The following PLA2G4E variants were observed in gnomAD, a reference collection of about 807,000 sequenced individuals.
PLA2G4E encodes cytosolic phospholipase A2 epsilon.
A neutral mutation model predicts 109.1 loss-of-function variants in PLA2G4E; 84 were observed. That is an observed-to-expected ratio of 0.77 (90% CI 0.65 to 0.92). The LOEUF is 0.92. PLA2G4E is among the 40% of genes least tolerant of loss of function. PLA2G4E has a pLI of 0.00. For synonymous variants in PLA2G4E, 469 were observed against 436.1 expected (o/e 1.08, Z -0.94); for missense variants, 1,057 against 1,076.6 (o/e 0.98, Z 0.25).
exon 12 of PLA2G4E, chr15:41,995,441 A>C: frequency 1.9e-6 from 3 of 1,613,956 alleles, no homozygotes; most frequent in Non-Finnish European, 2.5e-6. Flanking sequence ...GTGGCCATAC[A>C]TGGAGGTCAT....
intron 1 of PLA2G4E, among the ~76,000 whole-genome samples, chr15:42,043,006 G>A (rs1382565981): frequency 1.3e-5 from 2 of 152,212 alleles, no homozygotes; most frequent in East Asian, 1.9e-4. Context: ...TGACCTTGGT[G>A]TAAGAAAGAA....
chr15:42,040,820 T>C (rs962933775), intron 1 of PLA2G4E, among the ~76,000 whole-genome samples: 1 of 152,226 alleles, frequency 6.6e-6, no homozygotes, highest in Admixed American at 6.5e-5. Context: ...TCAGATACTC[T>C]GATGTAATTG....
At chr15:41,994,860 G>C (rs778082632) in intron 12 of PLA2G4E, among the ~76,000 whole-genome samples, 2 of 152,260 alleles carry the variant, frequency 1.3e-5, no homozygotes, top group African/African-American at 2.4e-5. Context: ...TAAAAGTACA[G>C]TGAGCCGCAG....
chr15:41,990,562 T>C (rs1163334498), intron 13 of PLA2G4E, among the ~76,000 whole-genome samples: 3 of 152,082 alleles, frequency 2.0e-5, no homozygotes, highest in African/African-American at 7.2e-5. Flanking sequence ...GCCCCTCTTC[T>C]GCCCCATCGT....
chr15:42,002,351 G>A (rs1262664752), intron 6 of PLA2G4E, among the ~76,000 whole-genome samples: 1 of 151,772 alleles, frequency 6.6e-6, no homozygotes, highest in Non-Finnish European at 1.5e-5. Flanking sequence ...AGTCTGAGAG[G>A]AGGCTGCACT....
At chr15:42,032,185 C>T (rs1284156258) in intron 1 of PLA2G4E, among the ~76,000 whole-genome samples, 1 of 152,194 alleles carries the variant, frequency 6.6e-6, no homozygotes, top group Non-Finnish European at 1.5e-5. Flanking sequence ...GCTTGTATCG[C>T]CTGCAGAACC....
At chr15:42,036,771 G>A (rs1395729531) in intron 1 of PLA2G4E, among the ~76,000 whole-genome samples, 1 of 152,174 alleles carries the variant, frequency 6.6e-6, no homozygotes. Flanking sequence ...GCTCCGCGGA[G>A]CTGGCGGGAG....
At position 41,985,737 on chromosome 15, in the gene PLA2G4E, GA is replaced by G. The variant is rs536716307; in HGVS notation, c.2202+101del. The stretch of plus-strand genomic sequence containing the variant: ...TCTGATGCTCTCTGGGGGCTGTCTA[GA>G]GCATGCCTCTTCCCAGTTCACAGCG... On this transcript the variant is annotated intron_variant, in intron 18 of 19. Coordinates refer to ENST00000399518, the Ensembl canonical transcript of PLA2G4E. The G allele has an allele frequency of 5.8e-4, 809 of 1,395,996 alleles. 4 individuals are homozygous for G. Among genetic ancestry groups the G allele is most frequent in the Middle Eastern group, 9.6e-4 (4 of 4,176 alleles). The allele number at this position is 1,395,996 out of a possible 1,614,324, so 86.5% of individuals were successfully genotyped here.
At chr15:41,990,193 A>G (rs779118373) in exon 14 of PLA2G4E, 4 of 1,613,768 alleles carry the variant, frequency 2.5e-6, no homozygotes, top group Non-Finnish European at 3.4e-6. Flanking sequence ...TTCTGGCCGC[A>G]GCTCAAAGCA....
intron 1 of PLA2G4E, among the ~76,000 whole-genome samples, chr15:42,024,997 G>A (rs543972281): frequency 4.3e-4 from 66 of 152,074 alleles, no homozygotes; most frequent in African/African-American, 1.4e-3. Context: ...TCAGGAGATC[G>A]AGACCATCCT....
At chr15:42,022,028 C>G (rs989469532) in intron 1 of PLA2G4E, among the ~76,000 whole-genome samples, 4 of 152,216 alleles carry the variant, frequency 2.6e-5, no homozygotes, top group Admixed American at 6.5e-5. Context: ...CCTGCCCTCC[C>G]CTCCTCTGCC....
intron 2 of PLA2G4E, among the ~76,000 whole-genome samples, chr15:42,011,547 C>A (rs1260384039): frequency 2.0e-5 from 3 of 150,624 alleles, no homozygotes; most frequent in African/African-American, 7.4e-5. Flanking sequence ...CATGGTGAAA[C>A]CCTGTCTCCA....
At chr15:42,003,572 G>C (rs2068442397) in intron 5 of PLA2G4E, among the ~76,000 whole-genome samples, 1 of 152,234 alleles carries the variant, frequency 6.6e-6, no homozygotes, top group Non-Finnish European at 1.5e-5. Context: ...AATTGGAGGG[G>C]AGAGCTTCGA....
At chr15:42,007,625 GA>G in intron 3 of PLA2G4E, 103 bp downstream of exon 3, 1 of 1,383,168 alleles carries the variant, frequency 7.2e-7, no homozygotes, top group Non-Finnish European at 9.9e-7. Flanking sequence ...AGGCAGAAAG[GA>G]AAACAAAGAG....
At chr15:42,050,492 A>C in intron 1 of PLA2G4E, 1 of 1,542,448 alleles carries the variant, frequency 6.5e-7, no homozygotes, top group East Asian at 2.5e-5. Context: ...TTAAGGGACC[A>C]GACCCCCCTC....
intron 1 of PLA2G4E, among the ~76,000 whole-genome samples, chr15:42,038,642 T>C (rs1191549194): frequency 2.0e-5 from 3 of 152,252 alleles, no homozygotes; most frequent in Non-Finnish European, 2.9e-5. Flanking sequence ...GCCCAGTTCC[T>C]AGCAGGCCAC....
intron 1 of PLA2G4E, among the ~76,000 whole-genome samples, chr15:42,024,001 G>A (rs2068671593): frequency 6.6e-6 from 1 of 152,174 alleles, no homozygotes; most frequent in Non-Finnish European, 1.5e-5. Flanking sequence ...ACTGCCTGCT[G>A]GGTGCCCATC....
chr15:41,987,223 GC>G lies in PLA2G4E; in HGVS notation c.1983del (p.Leu662CysfsTer21). The G allele has an allele frequency of 6.2e-7, 1 of 1,614,042 alleles. No individual in the cohort carries two copies. The highest frequency in any genetic ancestry group is 2.2e-5 in the East Asian group (1 of 44,886). On this transcript the variant is annotated frameshift_variant, in exon 17 of 20. Transcript: ENST00000399518. LOFTEE classifies it high-confidence loss of function. ...TGGAGGTAGTTGGTGTGCAGCTGCAGCCCAGACAGGAAGTTGTGAAACTCAG... is the reference window on the plus strand; with the variant it reads ...TGGAGGTAGTTGGTGTGCAGCTGCAGCCAGACAGGAAGTTGTGAAACTCAG...
intron 1 of PLA2G4E, among the ~76,000 whole-genome samples, chr15:42,040,443 A>G (rs1035479399): frequency 1.3e-5 from 2 of 152,226 alleles, no homozygotes; most frequent in East Asian, 1.9e-4. Flanking sequence ...TAAATTCCAG[A>G]TGTACTGGTA....
Sources: gnomAD v4.1 joint callset for allele counts (sites outside exome capture counted in the v4.1 genomes callset) on GRCh38, gnomAD v4.1.1 for gene constraint, MANE v1.5 for transcripts, NCBI Gene and HGNC (gene_info 2026-07-23, HGNC 2026-07-21) for gene names.